Variants in HS2ST1 observed in about 807,000 individuals in gnomAD.
HS2ST1 encodes heparan sulfate 2-O-sulfotransferase 1.
Under a neutral mutation model 42.9 loss-of-function variants are expected in HS2ST1, and 18 were observed. That is an observed-to-expected ratio of 0.42 (90% CI 0.29 to 0.62). The LOEUF (loss-of-function observed/expected upper bound fraction) is 0.62, where lower values mean the gene tolerates loss of function less well. Ranked by LOEUF, HS2ST1 falls within the 20% of genes least tolerant of loss-of-function variation. The pLI is 0.21. For missense variants in HS2ST1, 334 were observed against 433.8 expected, an observed-to-expected ratio of 0.77 and a Z score of 2.04; for synonymous variants, 146 against 152.9, an observed-to-expected ratio of 0.95 and a Z score of 0.33.
chr1:86,918,545 T>TTATAGGAAACATC (rs1262479297), intron 1 of HS2ST1, among the ~76,000 whole-genome samples: 4 of 152,034 alleles, frequency 2.6e-5, no homozygotes, highest in African/African-American at 9.7e-5. Context: ...TTATAAACAA[T>TTATAGGAAACATC]TATAGGAAAC....
chr1:86,991,411 C>G (rs1275051816), intron 1 of HS2ST1, among the ~76,000 whole-genome samples: 1 of 152,140 alleles, frequency 6.6e-6, no homozygotes, highest in Non-Finnish European at 1.5e-5. Context: ...ACAGAAAGTG[C>G]TGTATTGGTT....
intron 1 of HS2ST1, among the ~76,000 whole-genome samples, chr1:86,989,526 C>G (rs1054496275): frequency 6.6e-6 from 1 of 152,202 alleles, no homozygotes. Context: ...TTAGAAGCTT[C>G]TGCACATCAA....
chr1:86,983,221 A>C (rs542173294), intron 1 of HS2ST1, among the ~76,000 whole-genome samples: 1 of 152,214 alleles, frequency 6.6e-6, no homozygotes, highest in Non-Finnish European at 1.5e-5. Flanking sequence ...GCAGTGCCCT[A>C]CTCCTGGTAA....
chr1:86,970,719 T>C (rs1407674186), intron 1 of HS2ST1, among the ~76,000 whole-genome samples: 1 of 152,164 alleles, frequency 6.6e-6, no homozygotes, highest in African/African-American at 2.4e-5. Context: ...ATTTTTCCGG[T>C]GATGGCATGA....
chr1:86,947,265 A>G (rs1372162267), intron 1 of HS2ST1, among the ~76,000 whole-genome samples: 1 of 152,256 alleles, frequency 6.6e-6, no homozygotes, highest in Non-Finnish European at 1.5e-5. Context: ...ACAGGCAGAA[A>G]TGTGAGAGAG....
At chr1:86,975,222 G>C (rs2102213818) in intron 1 of HS2ST1, among the ~76,000 whole-genome samples, 1 of 151,226 alleles carries the variant, frequency 6.6e-6, no homozygotes, top group Non-Finnish European at 1.5e-5. Context: ...CTTTCCATGT[G>C]ATCTAAAAGT....
intron 3 of HS2ST1, among the ~76,000 whole-genome samples, chr1:87,085,339 ACT>A (rs138316886): frequency 0.019 from 2,867 of 152,238 alleles, 37 homozygotes; most frequent in Non-Finnish European, 0.029. Context: ...GTGATATCCC[ACT>A]CTCAGTTTTA....
intron 1 of HS2ST1, among the ~76,000 whole-genome samples, chr1:86,946,601 C>T (rs558921419): frequency 4.6e-5 from 7 of 152,160 alleles, no homozygotes; most frequent in Non-Finnish European, 1.0e-4. Flanking sequence ...ATATACCAAC[C>T]CCTCTTTGAA....
Position 87,092,514 on chromosome 1 carries a change from AT to A in HS2ST1, c.450-13del. 1 of 1,523,602 alleles carries A rather than the reference AT, an allele frequency of 6.6e-7. No individual in the cohort carries two copies. The highest frequency in any genetic ancestry group is 8.8e-7 in the Non-Finnish European group (1 of 1,141,120). The allele number at this position is 1,523,602 out of a possible 1,614,324, so 94.4% of individuals were successfully genotyped here. ...TGAAAATGTTGATTTCACCTTTGAA[AT>A]TTTGTTGTATTTCAGATTTGGTGTG... On this transcript the variant is annotated splice_polypyrimidine_tract_variant and intron_variant, in intron 3 of 6. Coordinates refer to ENST00000370550, the MANE Select transcript of HS2ST1 (RefSeq NM_012262.4).
chr1:86,946,603 C>G (rs1474663407), intron 1 of HS2ST1, among the ~76,000 whole-genome samples: 1 of 152,208 alleles, frequency 6.6e-6, no homozygotes, highest in African/African-American at 2.4e-5. Context: ...ATACCAACCC[C>G]TCTTTGAAAT....
intron 1 of HS2ST1, among the ~76,000 whole-genome samples, chr1:86,944,979 T>C (rs972931366): frequency 6.6e-6 from 1 of 152,102 alleles, no homozygotes; most frequent in African/African-American, 2.4e-5. Flanking sequence ...TGCAACCTGC[T>C]GTATTCTACT....
At chr1:87,081,683 C>T (rs907695580) in intron 2 of HS2ST1, among the ~76,000 whole-genome samples, 2 of 151,848 alleles carry the variant, frequency 1.3e-5, no homozygotes, top group African/African-American at 2.4e-5. Context: ...TAATGATGAT[C>T]AGAACAGAAA....
At chr1:86,943,351 T>C (rs1329398343) in intron 1 of HS2ST1, among the ~76,000 whole-genome samples, 1 of 152,216 alleles carries the variant, frequency 6.6e-6, no homozygotes. Context: ...AACCAGCGTC[T>C]AGGCAACTTG....
intron 1 of HS2ST1, among the ~76,000 whole-genome samples, chr1:87,026,123 G>A (rs548899243): frequency 1.3e-5 from 2 of 152,146 alleles, no homozygotes; most frequent in Non-Finnish European, 2.9e-5. Context: ...CACAGCAAAT[G>A]TGCAGACGTA....
Position 87,103,480 on chromosome 1 carries a change from T to G in HS2ST1, c.735T>G (p.Ile245Met). Residue 245 changes from isoleucine to methionine, a missense_variant, in exon 6 of 7, where the codon ATT becomes ATG. Coordinates refer to ENST00000370550, the MANE Select transcript of HS2ST1 (RefSeq NM_012262.4). Reference protein sequence around the residue: ...WAMDQAKYNLINEYFLVGVTE... With the variant: ...WAMDQAKYNLMNEYFLVGVTE... Reference sequence around the variant, plus strand: ...TGGATCAAGCCAAGTATAACCTAATTAATGAATATTTTCTGGTGGGAGTTA... The same window carrying G: ...TGGATCAAGCCAAGTATAACCTAATGAATGAATATTTTCTGGTGGGAGTTA... The G allele has an allele frequency of 6.2e-7, 1 of 1,613,088 alleles. No individual in the cohort carries two copies.
intron 1 of HS2ST1, among the ~76,000 whole-genome samples, chr1:86,997,826 G>T (rs2390225): frequency 0.11 from 17,039 of 152,140 alleles, 1,032 homozygotes; most frequent in African/African-American, 0.14. Flanking sequence ...AGTGGGACAG[G>T]GTGGTGTACG....
At position 87,092,596 on chromosome 1, in the gene HS2ST1, CTTA is replaced by C. The variant is rs779877914; in HGVS notation, c.522_524del (p.Tyr175del). 1 of 1,590,112 alleles carries C rather than the reference CTTA, an allele frequency of 6.3e-7. No homozygotes were observed. On this transcript the variant is annotated inframe_deletion, in exon 4 of 7. Transcript: ENST00000370550. Reference sequence around the variant, plus strand: ...AGGGATCCTATTGAGAGGCTAGTTTCTTATTATTACTTTCTGAGATTTGGAGAT... The same window carrying C: ...AGGGATCCTATTGAGAGGCTAGTTTCTTATTACTTTCTGAGATTTGGAGAT...
At chr1:86,957,753 A>G (rs998425637) in intron 1 of HS2ST1, among the ~76,000 whole-genome samples, 1 of 151,642 alleles carries the variant, frequency 6.6e-6, no homozygotes, top group South Asian at 2.1e-4. Context: ...TTTTTAAAGT[A>G]TTGAAATCAT....
At chr1:86,946,838 T>C (rs577632854) in intron 1 of HS2ST1, among the ~76,000 whole-genome samples, 2 of 152,344 alleles carry the variant, frequency 1.3e-5, no homozygotes, top group East Asian at 3.9e-4. Context: ...TTACCATATA[T>C]GTTCTGAAAA....
Sources: gnomAD v4.1 joint callset for allele counts (sites outside exome capture counted in the v4.1 genomes callset) on GRCh38, gnomAD v4.1.1 for gene constraint, MANE v1.5 for transcripts, NCBI Gene and HGNC (gene_info 2026-07-23, HGNC 2026-07-21) for gene names.